Variants in CNTN4 observed in about 807,000 individuals in gnomAD.
CNTN4 encodes the protein contactin-4.
Under a neutral mutation model 122.5 loss-of-function variants are expected in CNTN4, and 77 were observed. That is an observed-to-expected ratio of 0.63 (90% CI 0.52 to 0.76). The LOEUF is 0.76. Ranked by LOEUF, CNTN4 falls within the 30% of genes least tolerant of loss-of-function variation. The probability of loss-of-function intolerance (pLI) is 0.00; values close to 1 mark genes in which losing one functional copy is unlikely to be tolerated. For missense variants in CNTN4, 1,256 were observed against 1,259.1 expected (o/e 1.00, Z 0.04); for synonymous variants, 512 against 447.0 (o/e 1.15, Z -1.83).
chr3:2,754,270 TGTA>T (rs2149630919), intron 6 of CNTN4, among the ~76,000 whole-genome samples: 1 of 152,346 alleles, frequency 6.6e-6, no homozygotes, highest in Admixed American at 6.5e-5. Flanking sequence ...TTCACTTTCT[TGTA>T]GTAGTTCAGA....
At chr3:2,638,926 C>G (rs1373718836) in intron 4 of CNTN4, among the ~76,000 whole-genome samples, 2 of 152,194 alleles carry the variant, frequency 1.3e-5, no homozygotes, top group East Asian at 3.9e-4. Context: ...TTCCATGCTA[C>G]CATTCTGGTC....
intron 4 of CNTN4, among the ~76,000 whole-genome samples, chr3:2,588,032 G>A (rs117903881): frequency 1.1e-4 from 16 of 151,244 alleles, no homozygotes; most frequent in East Asian, 7.8e-4. Flanking sequence ...CAATCTCTAC[G>A]CTCCCTGTAT....
intron 4 of CNTN4, among the ~76,000 whole-genome samples, chr3:2,688,041 G>A (rs1029746768): frequency 1.3e-5 from 2 of 152,034 alleles, no homozygotes; most frequent in African/African-American, 4.8e-5. Flanking sequence ...GAAAAGTTGA[G>A]TACTTGTATC....
At chr3:2,346,876 T>C (rs1178431526) in intron 3 of CNTN4, among the ~76,000 whole-genome samples, 1 of 152,236 alleles carries the variant, frequency 6.6e-6, no homozygotes, top group Non-Finnish European at 1.5e-5. Context: ...TTTTTTCCAG[T>C]TGTAGAAAAT....
intron 2 of CNTN4, among the ~76,000 whole-genome samples, chr3:2,318,544 C>T (rs1181016478): frequency 6.6e-6 from 1 of 152,150 alleles, no homozygotes; most frequent in Admixed American, 6.5e-5. Flanking sequence ...CATGTGAGAG[C>T]TGCAGGTATT....
intron 3 of CNTN4, among the ~76,000 whole-genome samples, chr3:2,522,553 G>A (rs900243535): frequency 6.6e-6 from 1 of 151,764 alleles, no homozygotes; most frequent in African/African-American, 2.4e-5. Flanking sequence ...TTGACTTACT[G>A]GCTATTAATA....
chr3:2,955,379 G>C (rs371254), intron 13 of CNTN4, among the ~76,000 whole-genome samples: 1 of 151,652 alleles, frequency 6.6e-6, no homozygotes, highest in Non-Finnish European at 1.5e-5. Flanking sequence ...TTCTGATTTT[G>C]AGTGACAAAA....
intron 6 of CNTN4, among the ~76,000 whole-genome samples, chr3:2,760,416 G>A (rs2090536226): frequency 6.6e-6 from 1 of 152,086 alleles, no homozygotes. Context: ...CACGTTATCG[G>A]TTTTAATATC....
At chr3:2,384,752 C>G (rs2046173593) in intron 3 of CNTN4, among the ~76,000 whole-genome samples, 1 of 141,228 alleles carries the variant, frequency 7.1e-6, no homozygotes, top group Admixed American at 7.1e-5. Context: ...AGTAACAACT[C>G]AATGTGTGCG....
At chr3:2,173,621 A>C (rs570285199) in intron 2 of CNTN4, among the ~76,000 whole-genome samples, 126 of 152,286 alleles carry the variant, frequency 8.3e-4, no homozygotes, top group Middle Eastern at 6.8e-3. Context: ...TGGTTATACT[A>C]TGGCAAGTAT....
chr3:3,025,957 TG>T, intron 14 of CNTN4, 144 bp from the exon 15 acceptor site: 1 of 758,960 alleles, frequency 1.3e-6, no homozygotes, highest in East Asian at 2.7e-5. Flanking sequence ...GCTTCCCAGA[TG>T]ACTGAGGTTT....
chr3:2,692,000 A>G (rs755865919), intron 4 of CNTN4, among the ~76,000 whole-genome samples: 4 of 152,174 alleles, frequency 2.6e-5, no homozygotes, highest in Non-Finnish European at 4.4e-5. Context: ...TGCAGGTGTG[A>G]TGAATGTCAA....
intron 9 of CNTN4, among the ~76,000 whole-genome samples, chr3:2,883,571 T>C (rs1254697226): frequency 3.9e-5 from 6 of 152,210 alleles, no homozygotes; most frequent in Non-Finnish European, 8.8e-5. Context: ...AACAATGGCC[T>C]CCACTTGAGG....
At chr3:2,207,112 A>T (rs1345031713) in intron 2 of CNTN4, among the ~76,000 whole-genome samples, 1 of 152,010 alleles carries the variant, frequency 6.6e-6, no homozygotes, top group African/African-American at 2.4e-5. Context: ...CAAACTCATA[A>T]AAGATGGTGA....
intron 3 of CNTN4, among the ~76,000 whole-genome samples, chr3:2,480,791 G>A (rs2075968473): frequency 6.6e-6 from 1 of 152,148 alleles, no homozygotes; most frequent in Non-Finnish European, 1.5e-5. Flanking sequence ...AGCCAATTCA[G>A]TATGGAAGGA....
At chr3:2,237,944 A>C (rs570437373) in intron 2 of CNTN4, among the ~76,000 whole-genome samples, 1 of 152,204 alleles carries the variant, frequency 6.6e-6, no homozygotes, top group African/African-American at 2.4e-5. Flanking sequence ...CTTATTAAAC[A>C]GATTATAAAA....
chr3:2,589,810 G>A lies in CNTN4; in HGVS notation c.55+18252G>A, dbSNP rs536395536. On this transcript the variant is annotated intron_variant, in intron 4 of 24. Coordinates refer to ENST00000418658, the MANE Select transcript of CNTN4 (RefSeq NM_175607.3). Reference sequence around the variant, plus strand: ...TGACGGTAGGCCTCTCTTCTGTACCGCATGGAGCTCCCTATGGCTGCTTGA... The same window carrying A: ...TGACGGTAGGCCTCTCTTCTGTACCACATGGAGCTCCCTATGGCTGCTTGA... Among the ~76,000 whole-genome samples, 5 of 152,266 alleles carry A rather than the reference G, an allele frequency of 3.3e-5. No homozygotes were observed. In the South Asian group the frequency reaches 6.2e-4, roughly 19 times the overall value.
chr3:2,466,970 C>CTTTTTTTTTTTTTTTTTTTTTTT (rs60879017), intron 3 of CNTN4, among the ~76,000 whole-genome samples: 4 of 115,812 alleles, frequency 3.5e-5, no homozygotes, highest in East Asian at 2.5e-4. Context: ...TTCTTTCTTT[C>CTTTTTTTTTTTTTTTTTTTTTTT]TTTTTTTTTT....
At chr3:2,614,941 T>C (rs1481944294) in intron 4 of CNTN4, among the ~76,000 whole-genome samples, 2 of 152,132 alleles carry the variant, frequency 1.3e-5, no homozygotes, top group Non-Finnish European at 2.9e-5. Flanking sequence ...TGAAAATTGA[T>C]GGGTACTTAT....
Sources: gnomAD v4.1 joint callset for allele counts (sites outside exome capture counted in the v4.1 genomes callset) on GRCh38, gnomAD v4.1.1 for gene constraint, MANE v1.5 for transcripts, NCBI Gene and HGNC (gene_info 2026-07-23, HGNC 2026-07-21) for gene names.